The following HFM1 variants were observed in gnomAD, a reference collection of about 807,000 sequenced individuals.
The protein encoded by HFM1 is helicase for meiosis 1.
In HFM1, 169 loss-of-function variants were observed where a neutral mutation model predicts 192.1. The observed-to-expected ratio is 0.88, with a 90% CI of 0.78 to 1.00. HFM1 has a LOEUF of 1.00. Among genes scored for constraint, HFM1 ranks in the 50% least tolerant of loss-of-function variants. HFM1 has a pLI of 0.00. For synonymous variants in HFM1, 525 were observed against 537.8 expected (o/e 0.98, Z 0.33); for missense variants, 1,661 against 1,668.0 (o/e 1.00, Z 0.07).
At chr1:91,294,756 G>T (rs1647267683) in intron 30 of HFM1, among the ~76,000 whole-genome samples, 1 of 152,178 alleles carries the variant, frequency 6.6e-6, no homozygotes, top group Non-Finnish European at 1.5e-5. Context: ...CTGCTGATGA[G>T]CTTTTGGCTG....
At chr1:91,265,971 G>A in intron 36 of HFM1, 46 bp downstream of exon 36, 2 of 1,579,614 alleles carry the variant, frequency 1.3e-6, no homozygotes, top group Non-Finnish European at 1.7e-6. Flanking sequence ...ATGTGTCAAG[G>A]GGATATAAAG....
chr1:91,324,998 G>C (rs1439616816), intron 20 of HFM1, among the ~76,000 whole-genome samples: 1 of 152,134 alleles, frequency 6.6e-6, no homozygotes, highest in Admixed American at 6.5e-5. Flanking sequence ...CAAAAATCAG[G>C]TACCAGCTTG....
At chr1:91,262,658 T>C (rs1264679239) in intron 36 of HFM1, 66 bp from the exon 37 acceptor site, 1 of 949,242 alleles carries the variant, frequency 1.1e-6, no homozygotes. Flanking sequence ...ATTTGGATCA[T>C]AATGATTTTT....
At chr1:91,361,678 A>G (rs1022931278) in intron 13 of HFM1, among the ~76,000 whole-genome samples, 1 of 152,348 alleles carries the variant, frequency 6.6e-6, no homozygotes, top group East Asian at 1.9e-4. Context: ...ACTGAAAAGG[A>G]GGGACTCCTC....
intron 20 of HFM1, among the ~76,000 whole-genome samples, chr1:91,327,042 G>A (rs1282929717): frequency 1.3e-5 from 2 of 152,086 alleles, no homozygotes; most frequent in Non-Finnish European, 2.9e-5. Context: ...AAAATAAAAA[G>A]CAAGAAATTA....
chr1:91,262,230 A>C lies in HFM1; in HGVS notation c.4238+11T>G. 1 of 1,237,072 alleles carries C rather than the reference A, an allele frequency of 8.1e-7. No homozygotes were observed. The highest frequency in any genetic ancestry group is 1.1e-6 in the Non-Finnish European group (1 of 881,374). 76.6% of individuals were successfully genotyped at this position (1,237,072 alleles called of 1,614,324 possible). On this transcript the variant is annotated intron_variant, in intron 38 of 38. Transcript: ENST00000370425. ...TGATATAATCTTAAAGTGTCTTTAA[A>C]GAGTTCTTACCTGAAATCAACTTCC...
chr1:91,384,722 G>A (rs1661961617), intron 6 of HFM1, among the ~76,000 whole-genome samples: 1 of 150,488 alleles, frequency 6.6e-6, no homozygotes, highest in East Asian at 2.0e-4. Flanking sequence ...ATCACACCCT[G>A]AGTAGCACTA....
At chr1:91,289,091 C>A (rs898730373) in intron 30 of HFM1, among the ~76,000 whole-genome samples, 1 of 152,114 alleles carries the variant, frequency 6.6e-6, no homozygotes, top group East Asian at 1.9e-4. Context: ...CGGAGACACT[C>A]CTCACTTCCC....
intron 30 of HFM1, among the ~76,000 whole-genome samples, chr1:91,288,282 A>T (rs1668258296): frequency 1.3e-5 from 2 of 152,106 alleles, no homozygotes; most frequent in South Asian, 4.2e-4. Context: ...GGTTACCCTC[A>T]AAGGGAAGCC....
chr1:91,313,711 TAAC>T (rs1650806023), intron 29 of HFM1, among the ~76,000 whole-genome samples: 3 of 151,968 alleles, frequency 2.0e-5, no homozygotes, highest in South Asian at 2.1e-4. Context: ...AACTGCAACT[TAAC>T]TATCTAGGAA....
chr1:91,329,276 GC>G lies in HFM1; in HGVS notation c.2336-4511del, dbSNP rs961037887. On this transcript the variant is annotated intron_variant, in intron 20 of 38. Transcript: ENST00000370425. ...AGTCTGTGGAGCTGAAGTGGAGCGA[GC>G]CAAATGAAGAAGAGCTGGTCAAGTT... The G allele has an allele frequency of 2.1e-5, 34 of 1,609,310 alleles. No homozygotes were observed. The African/African-American group carries it at 4.1e-4, about 20-fold the overall frequency.
chr1:91,316,338 T>C, intron 26 of HFM1, 53 bp downstream of exon 26: 1 of 1,155,430 alleles, frequency 8.7e-7, no homozygotes, highest in Non-Finnish European at 1.3e-6. Context: ...TTAATAGAAA[T>C]AAAGGTAGGC....
intron 13 of HFM1, among the ~76,000 whole-genome samples, chr1:91,354,085 CAGAT>C (rs1657381192): frequency 6.6e-6 from 1 of 151,562 alleles, no homozygotes; most frequent in African/African-American, 2.4e-5. Flanking sequence ...CAAGAGAATA[CAGAT>C]AGACAGGTCA....
chr1:91,268,491 T>C (rs981918318), intron 34 of HFM1, among the ~76,000 whole-genome samples: 1 of 152,022 alleles, frequency 6.6e-6, no homozygotes, highest in Admixed American at 6.6e-5. Flanking sequence ...TCAAACTTCC[T>C]GATTCTGCAA....
At chr1:91,345,577 A>C (rs955253907) in intron 19 of HFM1, among the ~76,000 whole-genome samples, 12 of 152,216 alleles carry the variant, frequency 7.9e-5, no homozygotes, top group Admixed American at 6.5e-4. Flanking sequence ...TTTAAGGCAG[A>C]GCTCCAAGGA....
At chr1:91,376,940 T>C (rs1281520055) in intron 11 of HFM1, among the ~76,000 whole-genome samples, 3 of 151,710 alleles carry the variant, frequency 2.0e-5, no homozygotes, top group Non-Finnish European at 4.4e-5. Context: ...ATCATGGATG[T>C]TTCAGATACA....
chr1:91,307,076 C>T (rs1348104369), intron 30 of HFM1, among the ~76,000 whole-genome samples: 1 of 151,860 alleles, frequency 6.6e-6, no homozygotes, highest in Non-Finnish European at 1.5e-5. Flanking sequence ...CTTGTGTTTT[C>T]TTTCTTTCTC....
rs143105952 is a variant in HFM1, at chr1:91,384,276, G to A, written c.802+911C>T. Among the ~76,000 whole-genome samples, 342 of 152,192 alleles carry A rather than the reference G, an allele frequency of 2.2e-3. 1 individual carries two copies. The highest frequency in any genetic ancestry group is 7.8e-3 in the African/African-American group (324 of 41,520). ...ATAAGTCATGATGTTTGCCTTCAAAGAGTTCATAGATCATGGGGAAACAGT... is the reference window on the plus strand; with the variant it reads ...ATAAGTCATGATGTTTGCCTTCAAAAAGTTCATAGATCATGGGGAAACAGT... On this transcript the variant is annotated intron_variant, in intron 6 of 38. Coordinates refer to ENST00000370425, the MANE Select transcript of HFM1 (RefSeq NM_001017975.6).
In HFM1 at chr1:91,384,772, T is replaced by C. The variant is rs190837407; in HGVS notation, c.802+415A>G. On this transcript the variant is annotated intron_variant, in intron 6 of 38. Coordinates refer to ENST00000370425, the MANE Select transcript of HFM1 (RefSeq NM_001017975.6). ...CTTTTTTTTTTTTTTTGAGATGGAGTCTCACTCTTTTGCCATGCTAGAATG... is the reference window on the plus strand; with the variant it reads ...CTTTTTTTTTTTTTTTGAGATGGAGCCTCACTCTTTTGCCATGCTAGAATG... Among the ~76,000 whole-genome samples the C allele has an allele frequency of 2.1e-3, 303 of 146,520 alleles. 3 individuals are homozygous for C. The highest frequency in any genetic ancestry group is 7.4e-3 in the African/African-American group (292 of 39,366).
Sources: allele counts gnomAD v4.1 joint callset (sites outside exome capture counted in the v4.1 genomes callset), GRCh38; gene constraint gnomAD v4.1.1; transcripts MANE v1.5; gene names NCBI Gene and HGNC (gene_info 2026-07-23, HGNC 2026-07-21).